The following CTNNA3 variants were observed in gnomAD, a reference collection of about 807,000 sequenced individuals.
CTNNA3 encodes catenin alpha 3, also known as catenin alpha-3.
Under a neutral mutation model 95.7 loss-of-function variants are expected in CTNNA3, and 76 were observed. The ratio of observed to expected loss-of-function variants is 0.79; its 90% CI spans 0.66 to 0.96. The LOEUF is 0.96. CTNNA3 is among the 40% of genes least tolerant of loss of function. The probability of loss-of-function intolerance (pLI) is 0.00; values close to 1 mark genes in which losing one functional copy is unlikely to be tolerated. For missense variants in CTNNA3, 1,191 were observed against 1,089.8 expected (o/e 1.09, Z -1.31); for synonymous variants, 431 against 374.4 (o/e 1.15, Z -1.74).
At chr10:66,785,625 T>C (rs1423214104) in intron 7 of CTNNA3, among the ~76,000 whole-genome samples, 3 of 152,134 alleles carry the variant, frequency 2.0e-5, no homozygotes, top group Admixed American at 6.5e-5. Context: ...CACCATTGGC[T>C]CCCCTGGTTC....
intron 12 of CTNNA3, among the ~76,000 whole-genome samples, chr10:66,348,321 T>C (rs79174996): frequency 0.019 from 2,894 of 152,250 alleles, 82 homozygotes; most frequent in African/African-American, 0.065. Flanking sequence ...CTATCAACCC[T>C]ATAATTTAAT....
intron 7 of CTNNA3, among the ~76,000 whole-genome samples, chr10:66,972,277 C>T (rs947851763): frequency 6.6e-6 from 1 of 152,180 alleles, no homozygotes; most frequent in African/African-American, 2.4e-5. Flanking sequence ...CCTTTACCCA[C>T]ATGACATAAT....
At chr10:67,178,275 C>G (rs1308206585) in intron 7 of CTNNA3, among the ~76,000 whole-genome samples, 1 of 152,078 alleles carries the variant, frequency 6.6e-6, no homozygotes, top group Non-Finnish European at 1.5e-5. Flanking sequence ...CTCTAGAAAT[C>G]TAACATTAAA....
At chr10:67,076,974 C>A (rs534248898) in intron 7 of CTNNA3, among the ~76,000 whole-genome samples, 1 of 152,176 alleles carries the variant, frequency 6.6e-6, no homozygotes, top group Non-Finnish European at 1.5e-5. Context: ...CCACACTCAC[C>A]GCCAAAGCAA....
chr10:66,981,701 T>C (rs1850451828), intron 7 of CTNNA3, among the ~76,000 whole-genome samples: 1 of 152,238 alleles, frequency 6.6e-6, no homozygotes, highest in South Asian at 2.1e-4. Context: ...ATCAAATGGA[T>C]GGAACCTATT....
At chr10:67,581,352 G>A (rs1270528656) in intron 3 of CTNNA3, among the ~76,000 whole-genome samples, 1 of 152,086 alleles carries the variant, frequency 6.6e-6, no homozygotes, top group Non-Finnish European at 1.5e-5. Context: ...TTTATATGAT[G>A]GATTACATTT....
In CTNNA3 at chr10:67,258,519, C is replaced by T. The variant is rs186637346; in HGVS notation, c.580-38649G>A. ...GTAACAATTTATAGTTTTCCAAAAGCGAACACCTAGAGAACTTTCATGGCA... is the reference window on the plus strand; with the variant it reads ...GTAACAATTTATAGTTTTCCAAAAGTGAACACCTAGAGAACTTTCATGGCA... On this transcript the variant is annotated intron_variant, in intron 5 of 17. Coordinates refer to ENST00000433211, the MANE Select transcript of CTNNA3 (RefSeq NM_013266.4). Among the ~76,000 whole-genome samples, 27 of 152,198 alleles carry T rather than the reference C, an allele frequency of 1.8e-4. No individual in the cohort carries two copies. The East Asian group carries it at 5.0e-3, about 28-fold the overall frequency.
At chr10:65,932,367 C>T (rs955419422) in intron 17 of CTNNA3, among the ~76,000 whole-genome samples, 1 of 152,128 alleles carries the variant, frequency 6.6e-6, no homozygotes, top group Non-Finnish European at 1.5e-5. Flanking sequence ...AAAGAATGCA[C>T]AAAGCTGAAT....
chr10:66,872,894 T>C (rs1241514418), intron 7 of CTNNA3, among the ~76,000 whole-genome samples: 1 of 152,136 alleles, frequency 6.6e-6, no homozygotes, highest in African/African-American at 2.4e-5. Context: ...GCCATCTTTA[T>C]GTCCATGTAC....
intron 7 of CTNNA3, among the ~76,000 whole-genome samples, chr10:66,874,465 T>A (rs1844536131): frequency 6.6e-6 from 1 of 152,234 alleles, no homozygotes; most frequent in African/African-American, 2.4e-5. Flanking sequence ...GCAGTACCTA[T>A]GCAAAGATAT....
At chr10:66,982,200 G>A (rs1233467666) in intron 7 of CTNNA3, among the ~76,000 whole-genome samples, 2 of 152,208 alleles carry the variant, frequency 1.3e-5, no homozygotes, top group Admixed American at 1.3e-4. Context: ...GCACTAAAGA[G>A]AATGAGCCCC....
At chr10:67,617,781 T>A (rs1480944129) in intron 2 of CTNNA3, among the ~76,000 whole-genome samples, 3 of 150,638 alleles carry the variant, frequency 2.0e-5, no homozygotes, top group Non-Finnish European at 4.4e-5. Context: ...TTTTTTTTTT[T>A]ACTTTTTAAT....
chr10:67,702,134 G>C (rs1406390214), intron 1 of CTNNA3, among the ~76,000 whole-genome samples: 2 of 152,078 alleles, frequency 1.3e-5, no homozygotes, highest in Non-Finnish European at 2.9e-5. Context: ...AGCAAGTCCT[G>C]AGTGACCTAC....
At position 66,263,382 on chromosome 10, in the gene CTNNA3, C is replaced by T. The variant is rs188835916; in HGVS notation, c.1884+17088G>A. 9.9e-5 allele frequency among the ~76,000 whole-genome samples: 15 copies of T among 152,074 alleles called. No homozygotes were observed. In the East Asian group the frequency reaches 2.1e-3, roughly 22 times the overall value. On this transcript the variant is annotated intron_variant, in intron 13 of 17. Transcript: ENST00000433211. ...AAGACTGGGCTAGATTTGAGACACACTAAGAGTCATTAACAACTAGAAGTT... is the reference window on the plus strand; with the variant it reads ...AAGACTGGGCTAGATTTGAGACACATTAAGAGTCATTAACAACTAGAAGTT...
intron 7 of CTNNA3, among the ~76,000 whole-genome samples, chr10:67,152,302 A>G (rs1360565485): frequency 6.6e-6 from 1 of 152,208 alleles, no homozygotes; most frequent in Non-Finnish European, 1.5e-5. Flanking sequence ...CAGAATAAGA[A>G]GAAACTGCCA....
intron 12 of CTNNA3, among the ~76,000 whole-genome samples, chr10:66,315,349 G>T (rs1023075950): frequency 6.6e-6 from 1 of 151,956 alleles, no homozygotes; most frequent in Non-Finnish European, 1.5e-5. Context: ...GACAGATTTT[G>T]TATATCCTGC....
At chr10:66,453,301 G>A (rs1364079119) in intron 11 of CTNNA3, among the ~76,000 whole-genome samples, 1 of 151,960 alleles carries the variant, frequency 6.6e-6, no homozygotes, top group Non-Finnish European at 1.5e-5. Flanking sequence ...TGTTTAGCTA[G>A]CTCTATGTTT....
chr10:66,072,156 T>G (rs1309678875), intron 14 of CTNNA3, among the ~76,000 whole-genome samples: 1 of 152,192 alleles, frequency 6.6e-6, no homozygotes, highest in Non-Finnish European at 1.5e-5. Flanking sequence ...GAAATTTGAA[T>G]TTTACATAAT....
At chr10:66,538,622 T>C (rs899736037) in intron 10 of CTNNA3, among the ~76,000 whole-genome samples, 2 of 152,178 alleles carry the variant, frequency 1.3e-5, no homozygotes, top group Admixed American at 6.5e-5. Flanking sequence ...GAGACTTTAC[T>C]GACGAACCTT....
Sources: gnomAD v4.1 joint callset for allele counts (sites outside exome capture counted in the v4.1 genomes callset) on GRCh38, gnomAD v4.1.1 for gene constraint, MANE v1.5 for transcripts, NCBI Gene and HGNC (gene_info 2026-07-23, HGNC 2026-07-21) for gene names.